Variants in ADAM22 observed in about 807,000 individuals in gnomAD.
The protein encoded by ADAM22 is disintegrin and metalloproteinase domain-containing protein 22.
ADAM22 carries 65 observed loss-of-function variants against 144.6 expected under a neutral mutation model. The ratio of observed to expected loss-of-function variants is 0.45; its 90% CI spans 0.37 to 0.55. ADAM22 has a LOEUF of 0.55. Ranked by LOEUF, ADAM22 falls within the 20% of genes least tolerant of loss-of-function variation. ADAM22 has a pLI of 0.00. For synonymous variants in ADAM22, 391 were observed against 412.6 expected, an observed-to-expected ratio of 0.95 and a Z score of 0.63; for missense variants, 974 against 1,184.9, an observed-to-expected ratio of 0.82 and a Z score of 2.61.
In ADAM22 at chr7:88,075,487, A is replaced by T. The variant is rs979022971; in HGVS notation, c.324-139A>T. 115 of 695,220 alleles carry T rather than the reference A, an allele frequency of 1.7e-4. 1 individual carries two copies. Among genetic ancestry groups the T allele is most frequent in the Non-Finnish European group, 2.6e-4 (100 of 390,366 alleles). 43.1% of individuals were successfully genotyped at this position (695,220 alleles called of 1,614,324 possible). On this transcript the variant is annotated intron_variant, in intron 3 of 31. Transcript: ENST00000413139. ...GTCTGTGTGTGTGTGTGAGTGTGAG[A>T]GAGAGAGAGAGACCTATAAAGTGTT...
intron 24 of ADAM22, 144 bp downstream of exon 24, chr7:88,166,090 G>A (rs1396425711): frequency 1.8e-6 from 1 of 543,242 alleles, no homozygotes; most frequent in Non-Finnish European, 3.2e-6. Flanking sequence ...TCCATTTTAT[G>A]AAACTGATTA....
At chr7:88,111,148 T>G (rs1825937692) in intron 5 of ADAM22, among the ~76,000 whole-genome samples, 1 of 152,108 alleles carries the variant, frequency 6.6e-6, no homozygotes, top group African/African-American at 2.4e-5. Context: ...CATTTTAGGC[T>G]TTCTTAGACT....
At chr7:88,189,069 G>A (rs1012154406) in intron 30 of ADAM22, among the ~76,000 whole-genome samples, 1 of 152,200 alleles carries the variant, frequency 6.6e-6, no homozygotes, top group Admixed American at 6.5e-5. Context: ...TGGCCACACT[G>A]CTAGAGAGAG....
intron 3 of ADAM22, among the ~76,000 whole-genome samples, chr7:87,994,451 G>A (rs1790644611): frequency 6.6e-6 from 1 of 152,042 alleles, no homozygotes; most frequent in Non-Finnish European, 1.5e-5. Context: ...GTGAGCCACC[G>A]CGCCCGGCCT....
rs141009678 is a variant in ADAM22, at chr7:88,054,306, C to G, written c.324-21320C>G. 1.4e-3 allele frequency among the ~76,000 whole-genome samples: 209 copies of G among 152,116 alleles called. 1 individual carries two copies. Among genetic ancestry groups the G allele is most frequent in the African/African-American group, 4.9e-3 (203 of 41,502 alleles). ...ACATATGAAAGTTCCTTTCTCATACCCTGTTTCCATCACATGCAACATTGC... is the reference window on the plus strand; with the variant it reads ...ACATATGAAAGTTCCTTTCTCATACGCTGTTTCCATCACATGCAACATTGC... On this transcript the variant is annotated intron_variant, in intron 3 of 31. Coordinates refer to ENST00000413139, the MANE Select transcript of ADAM22 (RefSeq NM_001324418.2).
intron 15 of ADAM22, among the ~76,000 whole-genome samples, chr7:88,143,924 A>G (rs536323196): frequency 1.3e-5 from 2 of 152,380 alleles, no homozygotes; most frequent in South Asian, 4.1e-4. Flanking sequence ...TTTGAACTGT[A>G]TCACTGCTGC....
intron 4 of ADAM22, among the ~76,000 whole-genome samples, chr7:88,105,853 C>G (rs1428718242): frequency 6.6e-6 from 1 of 152,114 alleles, no homozygotes; most frequent in African/African-American, 2.4e-5. Context: ...TTGAGTAGAA[C>G]AGTAACAGAC....
At chr7:88,111,387 G>A (rs1382634121) in intron 5 of ADAM22, among the ~76,000 whole-genome samples, 1 of 149,838 alleles carries the variant, frequency 6.7e-6, no homozygotes, top group Non-Finnish European at 1.5e-5. Context: ...TTTCATTTTT[G>A]ATTTATTAAA....
At chr7:87,956,112 G>A (rs1846660683) in intron 2 of ADAM22, among the ~76,000 whole-genome samples, 1 of 152,144 alleles carries the variant, frequency 6.6e-6, no homozygotes, top group African/African-American at 2.4e-5. Context: ...TGCTTCGGCT[G>A]GCGCACAGTG....
Position 88,143,052 on chromosome 7 carries a change from A to C in ADAM22, c.1247A>C (p.Gln416Pro). ...TGYYLPKKFTQCNIEEYHDFL... is the reference protein window; with the variant it reads ...TGYYLPKKFTPCNIEEYHDFL... Reference sequence around the variant, plus strand: ...TATTATCTTCCTAAAAAGTTCACCCAGTGTAATATTGAAGAGTATCATGAC... The same window carrying C: ...TATTATCTTCCTAAAAAGTTCACCCCGTGTAATATTGAAGAGTATCATGAC... The change falls in exon 15 of 32, where the codon CAG becomes CCG. Residue 416 changes from glutamine (Q) to proline (P), a missense_variant. Around this residue, in one of 2 missense-constraint regions of ADAM22, gnomAD observed 734 missense variants for 950.6 expected, o/e 0.77. Transcript: ENST00000413139. 6.2e-7 allele frequency: 1 copy of C among 1,611,648 alleles called. No individual in the cohort carries two copies. Among genetic ancestry groups the C allele is most frequent in the Non-Finnish European group, 8.5e-7 (1 of 1,178,548 alleles).
chr7:88,113,658 G>A (rs1826662975), intron 5 of ADAM22, among the ~76,000 whole-genome samples: 1 of 121,594 alleles, frequency 8.2e-6, no homozygotes, highest in African/African-American at 3.6e-5. Context: ...GTGTATGTGT[G>A]TGTGTATATA....
At chr7:87,998,955 T>C (rs1791891138) in intron 3 of ADAM22, among the ~76,000 whole-genome samples, 1 of 152,224 alleles carries the variant, frequency 6.6e-6, no homozygotes, top group Admixed American at 6.5e-5. Context: ...GTGTAATATA[T>C]GATGTGTGCA....
chr7:88,186,895 A>G (rs1644044629), intron 30 of ADAM22, among the ~76,000 whole-genome samples, 194 bp downstream of exon 30: 1 of 152,146 alleles, frequency 6.6e-6, no homozygotes, highest in South Asian at 2.1e-4. Flanking sequence ...AATGTTTCAA[A>G]TAAAGCCATT....
intron 2 of ADAM22, among the ~76,000 whole-genome samples, chr7:87,950,190 A>C (rs964286106): frequency 6.6e-6 from 1 of 151,986 alleles, no homozygotes; most frequent in African/African-American, 2.4e-5. Flanking sequence ...CACAATGTGC[A>C]GGTTAGTTAC....
At chr7:87,937,242 G>A (rs758388762) in intron 2 of ADAM22, among the ~76,000 whole-genome samples, 1 of 152,216 alleles carries the variant, frequency 6.6e-6, no homozygotes, top group Non-Finnish European at 1.5e-5. Context: ...ACAGGTGTGA[G>A]TTGTGGGGGC....
At chr7:87,952,987 T>G (rs546888079) in intron 2 of ADAM22, among the ~76,000 whole-genome samples, 1 of 152,314 alleles carries the variant, frequency 6.6e-6, no homozygotes, top group East Asian at 1.9e-4. Flanking sequence ...TTGGTGGTGA[T>G]ATCCCCTTTA....
intron 4 of ADAM22, among the ~76,000 whole-genome samples, chr7:88,092,132 A>G (rs534121230): frequency 3.3e-5 from 5 of 152,172 alleles, no homozygotes; most frequent in Non-Finnish European, 5.9e-5. Flanking sequence ...GTTTATGCCC[A>G]TCTTTTGCCT....
chr7:88,113,703 A>AATAAATCTATATATAT (rs1554478726), intron 5 of ADAM22, among the ~76,000 whole-genome samples: 2 of 48,106 alleles, frequency 4.2e-5, no homozygotes, highest in Non-Finnish European at 7.5e-5. Context: ...TAAATAAATA[A>AATAAATCTATATATAT]ATATATATAT....
intron 4 of ADAM22, among the ~76,000 whole-genome samples, chr7:88,079,535 A>T (rs184555314): frequency 2.0e-3 from 306 of 152,340 alleles, no homozygotes; most frequent in Non-Finnish European, 3.5e-3. Context: ...TGCTCCAATT[A>T]AAAGGCACAG....
Sources: gnomAD v4.1 joint callset for allele counts (sites outside exome capture counted in the v4.1 genomes callset) on GRCh38, gnomAD v4.1.1 for gene constraint, gnomAD v4.1.1 regional missense constraint, MANE v1.5 for transcripts, NCBI Gene and HGNC (gene_info 2026-07-23, HGNC 2026-07-21) for gene names.